The following IGFBP2 variants were observed in gnomAD, a reference collection of about 807,000 sequenced individuals.
The protein encoded by IGFBP2 is insulin like growth factor binding protein 2.
A neutral mutation model predicts 26.2 loss-of-function variants in IGFBP2; 12 were observed. The observed-to-expected ratio is 0.46, with a 90% CI of 0.29 to 0.74. The LOEUF (loss-of-function observed/expected upper bound fraction) is 0.74, where lower values mean the gene tolerates loss of function less well. Among genes scored for constraint, IGFBP2 ranks in the 30% least tolerant of loss-of-function variants. The pLI, the probability that IGFBP2 is intolerant of heterozygous loss-of-function variation, is 0.09. For missense variants in IGFBP2, 328 were observed against 441.2 expected (o/e 0.74, Z 2.30); for synonymous variants, 189 against 200.6 (o/e 0.94, Z 0.49).
At chr2:216,656,810 A>G (rs887511456) in intron 1 of IGFBP2, among the ~76,000 whole-genome samples, 4 of 152,228 alleles carry the variant, frequency 2.6e-5, no homozygotes, top group Non-Finnish European at 5.9e-5. Flanking sequence ...GCCTCTGAGC[A>G]TCACAGACTT....
intron 1 of IGFBP2, among the ~76,000 whole-genome samples, chr2:216,638,802 C>T (rs752508420): frequency 4.6e-5 from 7 of 151,294 alleles, no homozygotes; most frequent in Non-Finnish European, 1.0e-4. Flanking sequence ...TGGGTTCACG[C>T]CATTCTCCTG....
intron 1 of IGFBP2, among the ~76,000 whole-genome samples, chr2:216,634,906 T>TTTTTTTTTTTTTTAA (rs371560018): frequency 4.7e-5 from 6 of 128,520 alleles, no homozygotes; most frequent in African/African-American, 1.7e-4. Flanking sequence ...TTTTTTTTTT[T>TTTTTTTTTTTTTTAA]AATTACGAAA....
At chr2:216,663,769 TG>T in intron 3 of IGFBP2, 170 bp from the exon 4 acceptor site, 1 of 640,096 alleles carries the variant, frequency 1.6e-6, no homozygotes, top group Non-Finnish European at 2.7e-6. Context: ...ACCTACTGCA[TG>T]GGAATCTGCA....
At chr2:216,655,902 C>CAA (rs200162837) in intron 1 of IGFBP2, among the ~76,000 whole-genome samples, 62 of 126,932 alleles carry the variant, frequency 4.9e-4, no homozygotes, top group African/African-American at 1.3e-3. Context: ...CTCAAAAAAA[C>CAA]AAAAAAAAAA....
At chr2:216,659,142 G>A (rs918452924) in intron 1 of IGFBP2, among the ~76,000 whole-genome samples, 1 of 152,172 alleles carries the variant, frequency 6.6e-6, no homozygotes, top group Non-Finnish European at 1.5e-5. Flanking sequence ...GAAAGGACAG[G>A]GACAGACCCC....
At chr2:216,661,801 G>T (rs563534885) in intron 2 of IGFBP2, 57 bp from the exon 3 acceptor site, 3 of 1,607,074 alleles carry the variant, frequency 1.9e-6, no homozygotes. Context: ...CGTCTGGCGC[G>T]TGCTTCGTGG....
chr2:216,639,735 C>T (rs535031445), intron 1 of IGFBP2, among the ~76,000 whole-genome samples: 161 of 152,120 alleles, frequency 1.1e-3, no homozygotes, highest in African/African-American at 3.4e-3. Context: ...CTCTGCCTCC[C>T]GAGTTCAAGC....
In IGFBP2 at chr2:216,660,735, G is replaced by C; in HGVS notation, c.621G>C (p.Lys207Asn). 1 of 1,612,486 alleles carries C rather than the reference G, an allele frequency of 6.2e-7. No individual in the cohort carries two copies. Among genetic ancestry groups the C allele is most frequent in the Non-Finnish European group, 8.5e-7 (1 of 1,179,444 alleles). Reference protein sequence around the residue: ...EQHRQMGKGGKHHLGLEEPKK... With the variant: ...EQHRQMGKGGNHHLGLEEPKK... ...ACCGGCAGATGGGCAAGGGTGGCAA[G>C]CATCACCTTGGCCTGGAGGAGCCCA... The change falls in exon 2 of 4, where the codon AAG becomes AAC. Residue 207 changes from lysine to asparagine, a missense_variant. By Grantham distance (94) the Lys-to-Asn change is moderately conservative. Coordinates refer to ENST00000233809, the MANE Select transcript of IGFBP2 (RefSeq NM_000597.3).
intron 1 of IGFBP2, among the ~76,000 whole-genome samples, chr2:216,657,076 C>G (rs1476199864): frequency 2.0e-5 from 3 of 152,158 alleles, no homozygotes; most frequent in African/African-American, 7.2e-5. Context: ...TCATTTTGAT[C>G]CTGAGTAGCT....
chr2:216,657,370 T>C (rs1486850963), intron 1 of IGFBP2, among the ~76,000 whole-genome samples: 1 of 152,234 alleles, frequency 6.6e-6, no homozygotes, highest in Admixed American at 6.5e-5. Context: ...TGATCTCTTC[T>C]GTTTGTTGTC....
chr2:216,645,094 G>A (rs952593378), intron 1 of IGFBP2, among the ~76,000 whole-genome samples: 1 of 152,180 alleles, frequency 6.6e-6, no homozygotes, highest in South Asian at 2.1e-4. Flanking sequence ...TGGTGAACTT[G>A]TTTTCTAAAA....
chr2:216,662,229 C>T (rs918277668), intron 3 of IGFBP2: 27 of 565,344 alleles, frequency 4.8e-5, no homozygotes, highest in East Asian at 9.1e-5. Context: ...AGCTGCCCAC[C>T]GGCCTCACTT....
intron 1 of IGFBP2, among the ~76,000 whole-genome samples, chr2:216,642,508 G>T (rs187311708): frequency 5.3e-5 from 8 of 151,076 alleles, no homozygotes; most frequent in African/African-American, 1.7e-4. Context: ...GGGTTTCACC[G>T]TGTTAGCCAG....
chr2:216,636,801 A>G (rs1697505042), intron 1 of IGFBP2, among the ~76,000 whole-genome samples: 1 of 152,134 alleles, frequency 6.6e-6, no homozygotes, highest in South Asian at 2.1e-4. Context: ...ACCGTGTACA[A>G]TGCAGGGGAT....
chr2:216,661,085 C>T (rs564923273), intron 2 of IGFBP2: 2 of 415,476 alleles, frequency 4.8e-6, no homozygotes, highest in African/African-American at 4.0e-5. Context: ...GACAGAGTCC[C>T]TGAAACTTGC....
In IGFBP2 at chr2:216,660,783, C is replaced by G. The variant is rs1373793487; in HGVS notation, c.669C>G (p.Ala223=). Reference sequence around the variant, plus strand: ...CCAAGAAGCTGCGACCACCCCCTGCCAGGGTCAGTGAGGGTCAGGTCTGGT... The same window carrying G: ...CCAAGAAGCTGCGACCACCCCCTGCGAGGGTCAGTGAGGGTCAGGTCTGGT... ...EEPKKLRPPP[A]RTPCQQELDQ... Residue 223 remains alanine, a synonymous_variant, in exon 2 of 4, where the codon GCC becomes GCG. Coordinates refer to ENST00000233809, the MANE Select transcript of IGFBP2 (RefSeq NM_000597.3). 1 of 1,578,776 alleles carries G rather than the reference C, an allele frequency of 6.3e-7. No individual in the cohort carries two copies.
chr2:216,650,149 A>G (rs536259914), intron 1 of IGFBP2, among the ~76,000 whole-genome samples: 106 of 152,324 alleles, frequency 7.0e-4, no homozygotes, highest in African/African-American at 2.5e-3. Context: ...GTATCATTCA[A>G]CATACAGATT....
chr2:216,640,687 C>A (rs561339028), intron 1 of IGFBP2, among the ~76,000 whole-genome samples: 1 of 152,320 alleles, frequency 6.6e-6, no homozygotes, highest in South Asian at 2.1e-4. Context: ...TCCCACTGCA[C>A]CCCTCTACCT....
At chr2:216,653,855 TGTA>T (rs1697871080) in intron 1 of IGFBP2, among the ~76,000 whole-genome samples, 1 of 152,178 alleles carries the variant, frequency 6.6e-6, no homozygotes, top group Admixed American at 6.5e-5. Flanking sequence ...CTAGGTGCTA[TGTA>T]GGGAAGAAGA....
Sources: gnomAD v4.1 joint callset for allele counts (sites outside exome capture counted in the v4.1 genomes callset) on GRCh38, gnomAD v4.1.1 for gene constraint, MANE v1.5 for transcripts, NCBI Gene and HGNC (gene_info 2026-07-23, HGNC 2026-07-21) for gene names.